SYT1: variants seen among roughly 807,000 people sequenced by gnomAD.
The protein encoded by SYT1 is synaptotagmin 1.
A neutral mutation model predicts 44.8 loss-of-function variants in SYT1; 8 were observed. That is an observed-to-expected ratio of 0.18 (90% CI 0.10 to 0.32). The LOEUF (loss-of-function observed/expected upper bound fraction) is 0.32, where lower values mean the gene tolerates loss of function less well. Ranked by LOEUF, SYT1 falls within the 10% of genes least tolerant of loss-of-function variation. SYT1 has a pLI of 1.00. For synonymous variants in SYT1, 154 were observed against 188.8 expected (o/e 0.82, Z 1.51); for missense variants, 286 against 509.3 (o/e 0.56, Z 4.22).
rs528980079 is a variant in SYT1 at position 79,162,071 on chromosome 12, A to G, written c.-17-55432A>G. Among the ~76,000 whole-genome samples the G allele has an allele frequency of 2.0e-5, 3 of 152,248 alleles. No homozygotes were observed. The South Asian group carries it at 6.2e-4, about 32-fold the overall frequency. On this transcript the variant is annotated intron_variant, in intron 3 of 10. Transcript: ENST00000261205. ...TTCTGTATTTTGACTGAAACATGGA[A>G]ACAAGTATTTCTCTACCATAAGAAA...
chr12:79,206,441 G>A (rs1658154091), intron 3 of SYT1, among the ~76,000 whole-genome samples: 1 of 152,032 alleles, frequency 6.6e-6, no homozygotes. Context: ...AGCGTACGTT[G>A]AGCAAATAAC....
At chr12:79,274,206 C>G (rs908149437) in intron 4 of SYT1, among the ~76,000 whole-genome samples, 3 of 152,232 alleles carry the variant, frequency 2.0e-5, no homozygotes. Flanking sequence ...GCCACAGGTG[C>G]GGGAGCTGGA....
chr12:79,369,779 G>T (rs1565929332), intron 9 of SYT1, among the ~76,000 whole-genome samples: 1 of 152,128 alleles, frequency 6.6e-6, no homozygotes, highest in Non-Finnish European at 1.5e-5. Context: ...AGCACATGCA[G>T]ATTTTGATTC....
At chr12:78,876,471 T>TA (rs1874080250) in intron 1 of SYT1, among the ~76,000 whole-genome samples, 1 of 144,848 alleles carries the variant, frequency 6.9e-6, no homozygotes, top group South Asian at 2.1e-4. Context: ...GTGTTTTTTT[T>TA]TTTTTTTTTT....
chr12:79,400,980 A>C (rs781524895), intron 9 of SYT1, among the ~76,000 whole-genome samples: 1 of 152,230 alleles, frequency 6.6e-6, no homozygotes, highest in Admixed American at 6.5e-5. Context: ...GGGACATGTC[A>C]TCTGGGCATT....
intron 2 of SYT1, among the ~76,000 whole-genome samples, chr12:78,992,997 A>G (rs973992730): frequency 1.8e-4 from 27 of 152,318 alleles, no homozygotes; most frequent in African/African-American, 5.8e-4. Context: ...TTCCTCTACA[A>G]ACTTTTACAC....
chr12:79,032,617 T>A (rs1872895201), intron 2 of SYT1, among the ~76,000 whole-genome samples: 1 of 151,376 alleles, frequency 6.6e-6, no homozygotes, highest in South Asian at 2.1e-4. Context: ...GATTTCATTA[T>A]GTTGACATTT....
intron 3 of SYT1, among the ~76,000 whole-genome samples, chr12:79,169,335 A>G (rs2138342121): frequency 6.6e-6 from 1 of 152,170 alleles, no homozygotes. Flanking sequence ...TAAAATATAT[A>G]CATGCATGAC....
rs546938343 is a variant in SYT1, at chr12:79,356,950, A to G, written c.928+3331A>G. On this transcript the variant is annotated intron_variant, in intron 9 of 10. Coordinates refer to ENST00000261205, the MANE Select transcript of SYT1 (RefSeq NM_005639.3). ...ATGATTTAACCAATTACTTGCTTCA[A>G]TGGGGAAAAAAAGTTTATCTTATTG... 7.2e-5 allele frequency among the ~76,000 whole-genome samples: 11 copies of G among 152,334 alleles called. No homozygotes were observed. In the South Asian group the frequency reaches 1.9e-3, roughly 26 times the overall value.
chr12:79,396,999 G>T (rs4578461), intron 9 of SYT1, among the ~76,000 whole-genome samples: 22,668 of 152,112 alleles, frequency 0.15, 2,034 homozygotes, highest in Middle Eastern at 0.34. Context: ...AGAGGAAGAG[G>T]GTTTCAGGCA....
intron 3 of SYT1, among the ~76,000 whole-genome samples, chr12:79,090,470 C>T (rs943944172): frequency 4.6e-5 from 7 of 151,860 alleles, no homozygotes; most frequent in Non-Finnish European, 1.0e-4. Context: ...GCCCATCCAG[C>T]CAATACTCCC....
At chr12:79,035,646 T>C (rs940438457) in intron 2 of SYT1, among the ~76,000 whole-genome samples, 1 of 151,592 alleles carries the variant, frequency 6.6e-6, no homozygotes, top group Non-Finnish European at 1.5e-5. Flanking sequence ...CATTCTGCCA[T>C]CACTGCCATG....
intron 3 of SYT1, among the ~76,000 whole-genome samples, chr12:79,203,684 A>G (rs1357703757): frequency 1.3e-5 from 2 of 152,216 alleles, no homozygotes; most frequent in Non-Finnish European, 2.9e-5. Context: ...CTGTTAGGTA[A>G]AAAACCAACA....
At chr12:78,988,833 C>T (rs1404306423) in intron 2 of SYT1, among the ~76,000 whole-genome samples, 2 of 152,014 alleles carry the variant, frequency 1.3e-5, no homozygotes, top group Non-Finnish European at 2.9e-5. Flanking sequence ...AAATTTATTC[C>T]AGTTTCTGTA....
In SYT1 at chr12:79,449,971, G is replaced by A. The variant is rs1465930704; in HGVS notation, c.*847G>A. The stretch of plus-strand genomic sequence containing the variant: ...GTGTGTGTGTGTGCACATTTGTTTG[G>A]GGATGGGGGAGAAGAAGCTAAGGGG... On this transcript the variant is annotated 3_prime_UTR_variant, in exon 11 of 11. Transcript: ENST00000261205. 1 of 145,434 alleles carries A rather than the reference G, an allele frequency of 6.9e-6. No individual in the cohort carries two copies. Among genetic ancestry groups the A allele is most frequent in the Non-Finnish European group, 1.5e-5 (1 of 65,610 alleles). 9.0% of individuals were successfully genotyped at this position (145,434 alleles called of 1,614,324 possible).
Position 79,449,543 on chromosome 12 carries a change from T to A in SYT1, c.*419T>A. 1 of 167,340 alleles carries A rather than the reference T, an allele frequency of 6.0e-6. No individual in the cohort carries two copies. 10.4% of individuals were successfully genotyped at this position (167,340 alleles called of 1,614,324 possible). ...GACTGAGATATAGGAGAGCTGATAA[T>A]ATATTATACGGTAAATATAGTATCG... On this transcript the variant is annotated 3_prime_UTR_variant, in exon 11 of 11. Coordinates refer to ENST00000261205, the MANE Select transcript of SYT1 (RefSeq NM_005639.3).
chr12:79,293,705 C>T (rs1297290285), intron 6 of SYT1, among the ~76,000 whole-genome samples: 1 of 152,160 alleles, frequency 6.6e-6, no homozygotes, highest in East Asian at 1.9e-4. Context: ...CTAATAATGT[C>T]TTCACTTTCT....
At chr12:79,333,760 G>T (rs1881965056) in intron 8 of SYT1, among the ~76,000 whole-genome samples, 1 of 152,042 alleles carries the variant, frequency 6.6e-6, no homozygotes, top group Non-Finnish European at 1.5e-5. Flanking sequence ...TTTATGTTTT[G>T]ACTTGTTTAT....
intron 3 of SYT1, among the ~76,000 whole-genome samples, chr12:79,188,351 G>T (rs778127523): frequency 4.6e-5 from 7 of 152,014 alleles, no homozygotes; most frequent in African/African-American, 7.2e-5. Flanking sequence ...CAAGATTTTT[G>T]ATTGGATTTT....
Sources: gnomAD v4.1 joint callset for allele counts (sites outside exome capture counted in the v4.1 genomes callset) on GRCh38, gnomAD v4.1.1 for gene constraint, MANE v1.5 for transcripts, NCBI Gene and HGNC (gene_info 2026-07-23, HGNC 2026-07-21) for gene names.